ART3: variants seen among roughly 807,000 people sequenced by gnomAD.
ART3 encodes ADP-ribosyltransferase 3 (inactive), also known as ecto-ADP-ribosyltransferase 3.
A neutral mutation model predicts 48.5 loss-of-function variants in ART3; 49 were observed. That is an observed-to-expected ratio of 1.01 (90% confidence interval 0.80 to 1.28). The LOEUF is 1.28. Among genes scored for constraint, ART3 ranks in the 50% most tolerant of loss-of-function variants. The pLI, the probability that ART3 is intolerant of heterozygous loss-of-function variation, is 0.00. For missense variants in ART3, 438 were observed against 454.3 expected, an observed-to-expected ratio of 0.96 and a Z score of 0.33; for synonymous variants, 145 against 157.2, an observed-to-expected ratio of 0.92 and a Z score of 0.58.
At chr4:76,079,916 T>G (rs565001433) in intron 2 of ART3, among the ~76,000 whole-genome samples, 2 of 148,110 alleles carry the variant, frequency 1.4e-5, no homozygotes, top group African/African-American at 2.5e-5. Flanking sequence ...TCTCTCTCTC[T>G]CTCACACACA....
chr4:76,104,112 T>TG, intron 9 of ART3, 143 bp downstream of exon 9: 3 of 995,520 alleles, frequency 3.0e-6, no homozygotes, highest in Non-Finnish European at 4.5e-6. Flanking sequence ...AATATTTAGC[T>TG]GGGGAAGCGT....
intron 1 of ART3, among the ~76,000 whole-genome samples, chr4:76,058,346 T>C (rs1718880160): frequency 6.6e-6 from 1 of 152,190 alleles, no homozygotes; most frequent in Non-Finnish European, 1.5e-5. Flanking sequence ...ACAGTCTGAA[T>C]GAATTGCTTG....
At position 76,103,928 on chromosome 4, in the gene ART3, TG is replaced by T. The variant is rs771398717; in HGVS notation, c.938-8del. ...ATTAATACAAACCAATATTTATTTC[TG>T]CCTTTAGGTGTGAAAATCCTTGAAC... On this transcript the variant is annotated splice_region_variant and splice_polypyrimidine_tract_variant and intron_variant, in intron 8 of 11. Coordinates refer to ENST00000355810, the MANE Select transcript of ART3 (RefSeq NM_001130016.3). 8.7e-6 allele frequency: 14 copies of T among 1,612,394 alleles called. No individual in the cohort carries two copies. Among genetic ancestry groups the T allele is most frequent in the African/African-American group, 5.3e-5 (4 of 74,862 alleles).
At chr4:76,061,884 C>A (rs1719246227) in intron 1 of ART3, among the ~76,000 whole-genome samples, 1 of 152,144 alleles carries the variant, frequency 6.6e-6, no homozygotes, top group South Asian at 2.1e-4. Flanking sequence ...GAGAAGAATG[C>A]CAAAGAATAA....
rs538333450 is a variant in ART3, at chr4:76,050,387, A to G, written c.-9-25494A>G. On this transcript the variant is annotated intron_variant, in intron 1 of 9. Transcript: ENST00000341029. ...TAGCTAGATACAGAGTGTCGACACA[A>G]AGGTTCTCCAGGGCCCCACCAGAAT... is the stretch of plus-strand genomic sequence containing the variant. Among the ~76,000 whole-genome samples the G allele has an allele frequency of 9.7e-3, 1,471 of 152,048 alleles. 9 individuals are homozygous for G. Among genetic ancestry groups the G allele is most frequent in the Non-Finnish European group, 0.015 (998 of 67,940 alleles).
In ART3 at chr4:76,106,018, AAGCTAT is replaced by A. The variant is rs1369406221; in HGVS notation, c.1003+1390_1003+1395del. On this transcript the variant is annotated intron_variant, in intron 10 of 11. Coordinates refer to ENST00000355810, the MANE Select transcript of ART3 (RefSeq NM_001130016.3). ...ACAGTGTATTGTGCCCTCTCCTGGA[AAGCTAT>A]GTGTAGCTTTTTAAAAGGTGATGTG... 4 of 985,312 alleles carry A rather than the reference AAGCTAT, an allele frequency of 4.1e-6. No individual in the cohort carries two copies. In the African/African-American group the frequency reaches 7.0e-5, roughly 17 times the overall value. The allele number at this position is 985,312 out of a possible 1,614,324, so 61.0% of individuals were successfully genotyped here.
At chr4:76,051,395 A>G (rs1020318891) in intron 1 of ART3, among the ~76,000 whole-genome samples, 3 of 152,196 alleles carry the variant, frequency 2.0e-5, no homozygotes, top group Admixed American at 6.5e-5. Context: ...TCTGCAGGCT[A>G]TATTCAAGGT....
At chr4:76,062,465 T>G (rs6532163) in intron 1 of ART3, among the ~76,000 whole-genome samples, 88,998 of 151,836 alleles carry the variant, frequency 0.59, 26,946 homozygotes, top group East Asian at 0.94. Flanking sequence ...TGTTATAAAT[T>G]ATCGTTATTG....
At chr4:76,012,088 AG>A (rs1183177217) in intron 1 of ART3, 1 of 152,212 alleles carries the variant, frequency 6.6e-6, no homozygotes, top group Non-Finnish European at 1.5e-5. Flanking sequence ...CTGTGTCCGT[AG>A]GGGATCCAAA....
intron 1 of ART3, chr4:76,034,205 G>A (rs10025102): frequency 0.59 from 221,269 of 373,772 alleles, 68,686 homozygotes; most frequent in East Asian, 0.93. Context: ...GCTACATGAT[G>A]TTTGGGGAAA....
intron 1 of ART3, chr4:76,022,393 T>C: frequency 6.2e-7 from 1 of 1,613,766 alleles, no homozygotes; most frequent in Non-Finnish European, 8.5e-7. Flanking sequence ...TTTCAGTAAA[T>C]TCTTGATGGC....
chr4:76,082,444 T>G lies in ART3; in HGVS notation c.690T>G (p.Val230=), dbSNP rs776845790. The G allele has an allele frequency of 5.0e-6, 8 of 1,613,524 alleles. No homozygotes were observed. In the Admixed American group the frequency reaches 6.7e-5, roughly 13 times the overall value. ...TTACTTTAATACCTCTGAATGAGGT[T>G]TTTCAAGTGTCACAGGAGGGGGCTG... ...ERITLIPLNE[V]FQVSQEGAGN... is the part of the protein sequence containing the mutation. Residue 230 remains valine, a synonymous_variant, in exon 3 of 12, where the codon GTT becomes GTG. Transcript: ENST00000355810.
chr4:76,097,452 C>T (rs1055862375), intron 3 of ART3, among the ~76,000 whole-genome samples, 192 bp from the exon 4 acceptor site: 7 of 152,136 alleles, frequency 4.6e-5, no homozygotes, highest in East Asian at 1.9e-4. Flanking sequence ...AGCGATCCTC[C>T]TGCATCAGCC....
intron 10 of ART3, chr4:76,105,506 C>T (rs1358706645): frequency 3.9e-6 from 5 of 1,287,646 alleles, no homozygotes; most frequent in East Asian, 1.1e-4. Flanking sequence ...TATCTGAAAA[C>T]CTCTTTCTTG....
intron 1 of ART3, among the ~76,000 whole-genome samples, chr4:76,019,691 T>C (rs550474431): frequency 1.1e-4 from 16 of 150,798 alleles, no homozygotes; most frequent in African/African-American, 3.9e-4. Flanking sequence ...CCTGACCTCG[T>C]GATCCACCCA....
At chr4:76,080,651 C>T (rs1222720789) in intron 2 of ART3, among the ~76,000 whole-genome samples, 2 of 152,098 alleles carry the variant, frequency 1.3e-5, no homozygotes, top group African/African-American at 4.8e-5. Flanking sequence ...GCTGGGATTA[C>T]AGGCGCCTGC....
At chr4:76,112,252 T>C in intron 11 of ART3, 134 bp from the exon 12 acceptor site, 2 of 1,117,764 alleles carry the variant, frequency 1.8e-6, no homozygotes, top group South Asian at 1.8e-5. Flanking sequence ...AAATTGCTTT[T>C]GGCTGGAAGT....
upstream of ART3, among the ~76,000 whole-genome samples, chr4:76,074,225 T>C (rs532030766): frequency 6.6e-6 from 1 of 152,344 alleles, no homozygotes; most frequent in South Asian, 2.1e-4. Flanking sequence ...GTATTTTGGT[T>C]AAGTATGCGT....
chr4:76,076,559 T>C (rs1264639458), intron 2 of ART3, among the ~76,000 whole-genome samples: 1 of 152,234 alleles, frequency 6.6e-6, no homozygotes, highest in Non-Finnish European at 1.5e-5. Flanking sequence ...TTTTTCTATG[T>C]GTATACTGTT....
Sources: gnomAD v4.1 joint callset for allele counts (sites outside exome capture counted in the v4.1 genomes callset) on GRCh38, gnomAD v4.1.1 for gene constraint, MANE v1.5 for transcripts, NCBI Gene and HGNC (gene_info 2026-07-23, HGNC 2026-07-21) for gene names.